The following GPX7 variants were observed in gnomAD, a reference collection of about 807,000 sequenced individuals.
GPX7 encodes protein peroxidase GPX7.
GPX7 carries 21 observed loss-of-function variants against 23.7 expected under a neutral mutation model. That is an observed-to-expected ratio of 0.89 (90% CI 0.63 to 1.28). The LOEUF is 1.28. Ranked by LOEUF, GPX7 falls within the 50% of genes most tolerant of loss-of-function variation. The pLI, the probability that GPX7 is intolerant of heterozygous loss-of-function variation, is 0.00. For synonymous variants in GPX7, 112 were observed against 101.8 expected (o/e 1.10, Z -0.61); for missense variants, 238 against 237.3 (o/e 1.00, Z -0.02).
At chr1:52,607,361 A>T (rs769910202) in intron 2 of GPX7, 1 of 183,796 alleles carries the variant, frequency 5.4e-6, no homozygotes, top group African/African-American at 2.3e-5. Context: ...GTAGACAGGC[A>T]TCTTCACCCT....
rs1260539642 is a variant in GPX7, at chr1:52,608,340, A to G, written c.479A>G (p.Asp160Gly). The change falls in exon 3 of 3, where the codon GAC becomes GGC. Residue 160 changes from aspartate (D) to glycine (G), a missense_variant. Coordinates refer to ENST00000361314, the MANE Select transcript of GPX7 (RefSeq NM_015696.5). ...GATGGAAAGGTGGTAGGGGCTTGGG[A>G]CCCAACTGTGTCAGTGGAGGAGGTC... is the stretch of plus-strand genomic sequence containing the variant. ...APDGKVVGAWDPTVSVEEVRP... is the reference protein window; with the variant it reads ...APDGKVVGAWGPTVSVEEVRP... The G allele has an allele frequency of 6.2e-7, 1 of 1,613,862 alleles. No homozygotes were observed. The highest frequency in any genetic ancestry group is 8.5e-7 in the Non-Finnish European group (1 of 1,179,974).
intron 1 of GPX7, 60 bp downstream of exon 1, chr1:52,602,607 G>A (rs1367817286): frequency 5.2e-6 from 6 of 1,154,348 alleles, no homozygotes; most frequent in African/African-American, 1.7e-5. Flanking sequence ...GGGGCCTGCT[G>A]GGGACGCCCC....
In GPX7 at chr1:52,603,945, A is replaced by C. The variant is rs145238484; in HGVS notation, c.138+1398A>C. Among the ~76,000 whole-genome samples, 198 of 152,280 alleles carry C rather than the reference A, an allele frequency of 1.3e-3. 2 individuals are homozygous for C. The highest frequency in any genetic ancestry group is 4.5e-3 in the African/African-American group (187 of 41,546). Reference sequence around the variant, plus strand: ...CTAGGGCAGCTCACCAGAGAGCCCCAGGTTTAGCGTCTGACCAGCTCTGCT... The same window carrying C: ...CTAGGGCAGCTCACCAGAGAGCCCCCGGTTTAGCGTCTGACCAGCTCTGCT... On this transcript the variant is annotated intron_variant, in intron 1 of 2. Coordinates refer to ENST00000361314, the MANE Select transcript of GPX7 (RefSeq NM_015696.5).
At chr1:52,602,794 C>T (rs1214546948) in intron 1 of GPX7, among the ~76,000 whole-genome samples, 2 of 151,980 alleles carry the variant, frequency 1.3e-5, no homozygotes, top group Non-Finnish European at 2.9e-5. Context: ...CCGAAGCGCT[C>T]GCAGTCGGCG....
intron 1 of GPX7, 52 bp downstream of exon 1, chr1:52,602,599 G>A (rs747332566): frequency 3.2e-6 from 4 of 1,240,350 alleles, no homozygotes; most frequent in Non-Finnish European, 4.3e-6. Context: ...GCCCTGGCGG[G>A]GCCTGCTGGG....
chr1:52,606,822 G>A lies in GPX7; in HGVS notation c.277G>A (p.Glu93Lys), dbSNP rs1207510974. 2 of 1,614,152 alleles carry A rather than the reference G, an allele frequency of 1.2e-6. No homozygotes were observed. Among genetic ancestry groups the A allele is most frequent in the Non-Finnish European group, 1.7e-6 (2 of 1,180,026 alleles). ...CCCCTGCAACCAGTTTGGCCAACAG[G>A]AGCCTGACAGCAACAAGGAGATTGA... ...AFPCNQFGQQ[E>K]PDSNKEIESF... The change falls in exon 2 of 3, where the codon GAG (glutamate) becomes AAG (lysine). Residue 93 changes from glutamate to lysine, a missense_variant. Transcript: ENST00000361314.
At chr1:52,603,982 C>T (rs1255540934) in intron 1 of GPX7, among the ~76,000 whole-genome samples, 5 of 152,106 alleles carry the variant, frequency 3.3e-5, no homozygotes, top group Admixed American at 2.0e-4. Context: ...CTTATTAATT[C>T]GTTGTTCATT....
intron 1 of GPX7, among the ~76,000 whole-genome samples, chr1:52,603,769 G>A (rs1241207933): frequency 6.6e-6 from 1 of 152,182 alleles, no homozygotes; most frequent in Non-Finnish European, 1.5e-5. Context: ...AGAGTGTCGT[G>A]AGTTTCAAAT....
At position 52,608,430 on chromosome 1, in the gene GPX7, C is replaced by T. The variant is rs747047213; in HGVS notation, c.*5C>T. On this transcript the variant is annotated 3_prime_UTR_variant, in exon 3 of 3. Transcript: ENST00000361314. ...CTGAAGCGAGAAGACTTATAACCAC[C>T]GCGTCTCCTCCTCCACCACCTCATC... The T allele has an allele frequency of 1.3e-5, 20 of 1,597,242 alleles. No individual in the cohort carries two copies. Among genetic ancestry groups the T allele is most frequent in the Non-Finnish European group, 1.3e-5 (15 of 1,172,188 alleles).
intron 1 of GPX7, among the ~76,000 whole-genome samples, chr1:52,606,118 A>C (rs905611428): frequency 1.3e-5 from 2 of 152,150 alleles, no homozygotes; most frequent in African/African-American, 4.8e-5. Context: ...ATTCATCTGA[A>C]ACTTACTGAG....
Position 52,606,714 on chromosome 1 carries a change from T to C in GPX7, c.169T>C (p.Cys57Arg), listed in dbSNP as rs1160455407. The change falls in exon 2 of 3, where the codon TGC becomes CGC. Residue 57 changes from cysteine (C) to arginine (R), a missense_variant. Transcript: ENST00000361314. Reference protein sequence around the residue: ...VSLVVNVASECGFTDQHYRAL... With the variant: ...VSLVVNVASERGFTDQHYRAL... ...CCTGGTGGTGAATGTGGCCAGCGAG[T>C]GCGGCTTCACAGACCAGCACTACCG... 6.2e-7 allele frequency: 1 copy of C among 1,613,854 alleles called. No individual in the cohort carries two copies. Among genetic ancestry groups the C allele is most frequent in the Non-Finnish European group, 8.5e-7 (1 of 1,179,990 alleles).
rs776606482 is a variant in GPX7 at position 52,606,685 on chromosome 1, T to C, written c.140T>C (p.Val47Ala). ...LVSLEKYRGSVSLVVNVASEC... is the reference protein window; with the variant it reads ...LVSLEKYRGSASLVVNVASEC... Reference sequence around the variant, plus strand: ...TTTTGTTTTGTTTCTGTCATACAGGTGTCCCTGGTGGTGAATGTGGCCAGC... The same window carrying C: ...TTTTGTTTTGTTTCTGTCATACAGGCGTCCCTGGTGGTGAATGTGGCCAGC... The change falls in exon 2 of 3, where the codon GTG becomes GCG. Residue 47 changes from valine (V) to alanine (A), a missense_variant and splice_region_variant. Coordinates refer to ENST00000361314, the MANE Select transcript of GPX7 (RefSeq NM_015696.5). The C allele has an allele frequency of 3.7e-6, 6 of 1,612,598 alleles. No homozygotes were observed. In the East Asian group the frequency reaches 1.1e-4, roughly 30 times the overall value.
At chr1:52,606,162 G>T (rs1182075546) in intron 1 of GPX7, among the ~76,000 whole-genome samples, 1 of 152,180 alleles carries the variant, frequency 6.6e-6, no homozygotes, top group African/African-American at 2.4e-5. Context: ...AGATGAAGTG[G>T]ACATAGCTCC....
rs1241436740 is a variant in GPX7 at position 52,606,751 on chromosome 1, A to G, written c.206A>G (p.Gln69Arg). 5.6e-6 allele frequency: 9 copies of G among 1,614,132 alleles called. No individual in the cohort carries two copies. Among genetic ancestry groups the G allele is most frequent in the Non-Finnish European group, 6.8e-6 (8 of 1,180,016 alleles). The change falls in exon 2 of 3, where the codon CAG (glutamine) becomes CGG (arginine). Residue 69 changes from glutamine to arginine, a missense_variant. Transcript: ENST00000361314. ...GACCAGCACTACCGAGCCCTGCAGCAGCTGCAGCGAGACCTGGGCCCCCAC... is the reference window on the plus strand; with the variant it reads ...GACCAGCACTACCGAGCCCTGCAGCGGCTGCAGCGAGACCTGGGCCCCCAC... ...FTDQHYRALQQLQRDLGPHHF... is the reference protein window; with the variant it reads ...FTDQHYRALQRLQRDLGPHHF...
Position 52,602,597 on chromosome 1 carries a change from G to A in GPX7, c.138+50G>A, listed in dbSNP as rs778127409. The A allele has an allele frequency of 9.7e-6, 12 of 1,237,142 alleles. No homozygotes were observed. In the East Asian group the frequency reaches 1.3e-4, roughly 13 times the overall value. 76.6% of individuals were successfully genotyped at this position (1,237,142 alleles called of 1,614,324 possible). A position where few individuals can be genotyped will look rare whatever the true frequency, so the allele number is the denominator to read the frequency against. The stretch of plus-strand genomic sequence containing the variant: ...CCGCTGGGCCCGGCCTCGCCCTGGC[G>A]GGGCCTGCTGGGGACGCCCCGCAGC... On this transcript the variant is annotated intron_variant, in intron 1 of 2. Transcript: ENST00000361314.
At position 52,604,991 on chromosome 1, in the gene GPX7, G is replaced by T. The variant is rs1015668925; in HGVS notation, c.139-1693G>T. Among the ~76,000 whole-genome samples the T allele has an allele frequency of 5.6e-5, 8 of 142,480 alleles. No individual in the cohort carries two copies. The East Asian group carries it at 1.7e-3, about 30-fold the overall frequency. 93.5% of individuals were successfully genotyped at this position (142,480 alleles called of 152,430 possible). A position where few individuals can be genotyped will look rare whatever the true frequency, so the allele number is the denominator to read the frequency against. ...ACCCGGGAGGTGGAGGTTGCAGTGA[G>T]CCAAGATCGCGCCACTGCACTCCAG... On this transcript the variant is annotated intron_variant, in intron 1 of 2. Transcript: ENST00000361314.
chr1:52,603,356 T>TG (rs770533971), intron 1 of GPX7, among the ~76,000 whole-genome samples: 27 of 23,150 alleles, frequency 1.2e-3, no homozygotes, highest in Middle Eastern at 0.016. Flanking sequence ...AAGAAGGGGG[T>TG]GGGGGGGCGC....
In GPX7 at chr1:52,606,899, T is replaced by C; in HGVS notation, c.354T>C (p.Ile118=). The change falls in exon 2 of 3, where the codon ATT becomes ATC. Residue 118 remains isoleucine, a synonymous_variant. Transcript: ENST00000361314. ...YSVSFPMFSK[I]AVTGTGAHPA... is the part of the protein sequence containing the mutation. ...TCTCATTCCCCATGTTTAGCAAGAT[T>C]GCAGTCACCGGTACTGGTGCCCATC... 1.2e-6 allele frequency: 2 copies of C among 1,614,190 alleles called. No individual in the cohort carries two copies. The highest frequency in any genetic ancestry group is 1.3e-5 in the African/African-American group (1 of 75,058).
intron 1 of GPX7, among the ~76,000 whole-genome samples, chr1:52,604,211 T>C (rs572453008): frequency 6.6e-6 from 1 of 152,290 alleles, no homozygotes; most frequent in African/African-American, 2.4e-5. Flanking sequence ...CAGTAAGAAT[T>C]TGAACCCAGA....
Sources: gnomAD v4.1 joint callset for allele counts (sites outside exome capture counted in the v4.1 genomes callset) on GRCh38, gnomAD v4.1.1 for gene constraint, MANE v1.5 for transcripts, NCBI Gene and HGNC (gene_info 2026-07-23, HGNC 2026-07-21) for gene names.